TRAK1: variants seen among roughly 807,000 people sequenced by gnomAD.
TRAK1 encodes the protein trafficking kinesin protein 1.
A neutral mutation model predicts 92.1 loss-of-function variants in TRAK1; 33 were observed. That is an observed-to-expected ratio of 0.36 (90% CI 0.27 to 0.48). TRAK1 has a LOEUF of 0.48. TRAK1 is among the 20% of genes least tolerant of loss of function. TRAK1 has a pLI of 0.99. For missense variants in TRAK1, 1,123 were observed against 1,257.9 expected, an observed-to-expected ratio of 0.89 and a Z score of 1.62; for synonymous variants, 521 against 517.3, an observed-to-expected ratio of 1.01 and a Z score of -0.10.
chr3:42,052,092 G>A lies in TRAK1; in HGVS notation c.-518-35012G>A, dbSNP rs1218259704. The stretch of plus-strand genomic sequence containing the variant: ...AATCTGTGAAGTCCAAACTCACAAA[G>A]TAGTTAAAGATGATTATAAATTAAA... On this transcript the variant is annotated intron_variant, in intron 1 of 16. Transcript: ENST00000487159. Among the ~76,000 whole-genome samples the A allele has an allele frequency of 3.9e-5, 6 of 152,222 alleles. No homozygotes were observed. In the East Asian group the frequency reaches 1.2e-3, roughly 29 times the overall value.
intron 14 of TRAK1, chr3:42,211,048 G>C (rs1162751163): frequency 9.1e-6 from 9 of 985,042 alleles, no homozygotes; most frequent in East Asian, 1.1e-4. Context: ...TGTGGAGTCA[G>C]GGGGGAGACT....
intron 1 of TRAK1, among the ~76,000 whole-genome samples, chr3:42,076,214 AC>A (rs1704148052): frequency 1.0e-5 from 1 of 97,958 alleles, no homozygotes; most frequent in Admixed American, 1.3e-4. Flanking sequence ...GGGATATTAG[AC>A]CTTTTTTTTT....
At chr3:42,181,323 T>A (rs1703971522) in intron 3 of TRAK1, among the ~76,000 whole-genome samples, 1 of 27,180 alleles carries the variant, frequency 3.7e-5, no homozygotes, top group South Asian at 9.5e-4. Flanking sequence ...GTGGGCAGAT[T>A]ACTTGAGGTC....
At chr3:42,170,449 G>A (rs1366423712) in intron 2 of TRAK1, among the ~76,000 whole-genome samples, 1 of 152,118 alleles carries the variant, frequency 6.6e-6, no homozygotes, top group African/African-American at 2.4e-5. Flanking sequence ...ATGTAGTATT[G>A]CTTTTTCATC....
At chr3:42,146,156 C>T (rs1055007888) in intron 2 of TRAK1, 1 of 389,962 alleles carries the variant, frequency 2.6e-6, no homozygotes. Flanking sequence ...CAAACCATTT[C>T]ATCTCAACAA....
Position 42,125,586 on chromosome 3 carries a change from G to T in TRAK1, c.258G>T (p.Glu86Asp), listed in dbSNP as rs1420929398. The T allele has an allele frequency of 6.2e-7, 1 of 1,614,160 alleles. No homozygotes were observed. The highest frequency in any genetic ancestry group is 1.7e-5 in the Admixed American group (1 of 60,010). ...ATGCCAACATTGACCTCACAACCGA[G>T]CAAATTGAAGAGACGTTAAAATACT... ...SPDANIDLTT[E>D]QIEETLKYFL... Residue 86 changes from glutamate (E) to aspartate (D), a missense_variant, in exon 2 of 16, where the codon GAG (glutamate) becomes GAT (aspartate). Physicochemically the swap from Glu to Asp is conservative, Grantham distance 45. This residue lies in a region of TRAK1 where 686 missense variants were observed against 747.6 expected (regional missense o/e 0.92). Coordinates refer to ENST00000327628, the MANE Select transcript of TRAK1 (RefSeq NM_001042646.3).
At chr3:42,107,275 G>A (rs1707693654) in intron 1 of TRAK1, among the ~76,000 whole-genome samples, 1 of 152,180 alleles carries the variant, frequency 6.6e-6, no homozygotes. Flanking sequence ...CAGCACTTTG[G>A]GAGGCCAAGG....
At chr3:42,181,218 C>G (rs138733170) in intron 3 of TRAK1, among the ~76,000 whole-genome samples, 1 of 152,320 alleles carries the variant, frequency 6.6e-6, no homozygotes, top group East Asian at 1.9e-4. Context: ...ATGCTGTGTG[C>G]TTGATTTGTT....
At chr3:42,013,353 C>G (rs1701381045), upstream of TRAK1, among the ~76,000 whole-genome samples, 1 of 152,160 alleles carries the variant, frequency 6.6e-6, no homozygotes, top group East Asian at 1.9e-4. This position sits in a 1 kb window ranked among gnomAD's most constrained non-coding sequence, Gnocchi z 5.1. Flanking sequence ...TGGAAGGACC[C>G]CGAGAAGTGC....
At chr3:42,159,707 G>A (rs1701020406) in intron 2 of TRAK1, among the ~76,000 whole-genome samples, 1 of 152,190 alleles carries the variant, frequency 6.6e-6, no homozygotes, top group Non-Finnish European at 1.5e-5. Flanking sequence ...GTTTAACGAG[G>A]TAATGGTCAC....
intron 2 of TRAK1, among the ~76,000 whole-genome samples, chr3:42,133,209 C>T (rs984884157): frequency 2.6e-5 from 4 of 152,002 alleles, no homozygotes; most frequent in South Asian, 4.2e-4. Flanking sequence ...GCGGGGTCTT[C>T]GGAGACTCTG....
At chr3:42,137,297 A>G (rs1254482302) in intron 2 of TRAK1, among the ~76,000 whole-genome samples, 3 of 152,230 alleles carry the variant, frequency 2.0e-5, no homozygotes, top group Non-Finnish European at 2.9e-5. Context: ...ATGGGTGAAT[A>G]CCCTTTTACT....
chr3:42,147,351 G>A (rs1699444947), intron 2 of TRAK1, among the ~76,000 whole-genome samples: 1 of 152,156 alleles, frequency 6.6e-6, no homozygotes. Context: ...CAGTTTGGTT[G>A]GGAGTGTCTT....
chr3:42,019,015 G>A (rs1421281827), intron 1 of TRAK1, among the ~76,000 whole-genome samples: 4 of 152,036 alleles, frequency 2.6e-5, no homozygotes, highest in East Asian at 1.9e-4. Flanking sequence ...CCAGCTACTC[G>A]GGAGGCTGAG....
At chr3:42,190,012 C>T (rs1319020582) in intron 6 of TRAK1, among the ~76,000 whole-genome samples, 1 of 151,952 alleles carries the variant, frequency 6.6e-6, no homozygotes, top group East Asian at 1.9e-4. Context: ...AACGGTGGGC[C>T]CCAGGCTGCT....
chr3:42,089,641 T>G (rs558443903), upstream of TRAK1, among the ~76,000 whole-genome samples: 10 of 150,786 alleles, frequency 6.6e-5, no homozygotes, highest in South Asian at 2.1e-3. Context: ...CCCTCTTCCT[T>G]CTCCAAGTGA....
intron 2 of TRAK1, among the ~76,000 whole-genome samples, chr3:42,135,837 C>T (rs1490659689): frequency 1.3e-5 from 2 of 152,182 alleles, no homozygotes; most frequent in African/African-American, 4.8e-5. Context: ...GCTGTTGCCT[C>T]TCTGCAGGTG....
At chr3:42,205,966 T>G (rs531475627) in intron 13 of TRAK1, among the ~76,000 whole-genome samples, 1 of 152,316 alleles carries the variant, frequency 6.6e-6, no homozygotes, top group South Asian at 2.1e-4. Flanking sequence ...CTGCCTGGTT[T>G]TAATGTGGGT....
At chr3:42,212,223 T>G (rs754125059) in intron 14 of TRAK1, 14 of 985,344 alleles carry the variant, frequency 1.4e-5, no homozygotes, top group Non-Finnish European at 1.7e-5. Flanking sequence ...TCCTCTGTCT[T>G]GGGATTTGTA....
Sources: allele counts gnomAD v4.1 joint callset (sites outside exome capture counted in the v4.1 genomes callset), GRCh38; gene constraint gnomAD v4.1.1; regional missense constraint gnomAD v4.1.1; non-coding constraint Gnocchi (gnomAD v3.1); transcripts MANE v1.5; gene names NCBI Gene and HGNC (gene_info 2026-07-23, HGNC 2026-07-21).